The following PTPRZ1 variants were observed in gnomAD, a reference collection of about 807,000 sequenced individuals.
PTPRZ1 encodes the protein protein tyrosine phosphatase receptor type Z1.
A neutral mutation model predicts 214.1 loss-of-function variants in PTPRZ1; 82 were observed. That is an observed-to-expected ratio of 0.38 (90% CI 0.32 to 0.46). The LOEUF is 0.46. Ranked by LOEUF, PTPRZ1 falls within the 20% of genes least tolerant of loss-of-function variation. The pLI is 1.00. For synonymous variants in PTPRZ1, 945 were observed against 987.9 expected, an observed-to-expected ratio of 0.96 and a Z score of 0.81; for missense variants, 2,603 against 2,748.7, an observed-to-expected ratio of 0.95 and a Z score of 1.19.
intron 12 of PTPRZ1, among the ~76,000 whole-genome samples, chr7:122,014,611 T>C (rs937590786): frequency 3.3e-5 from 5 of 152,050 alleles, no homozygotes; most frequent in Non-Finnish European, 7.4e-5. Flanking sequence ...GCTAATTTTG[T>C]GTATTTTTAG....
chr7:121,929,501 A>AG (rs1795860050), intron 2 of PTPRZ1, among the ~76,000 whole-genome samples: 1 of 75,792 alleles, frequency 1.3e-5, no homozygotes, highest in East Asian at 3.7e-4. Flanking sequence ...ATTACCGAGT[A>AG]GGAAAAAAAA....
At chr7:121,972,429 A>C in intron 3 of PTPRZ1, 112 bp from the exon 4 acceptor site, 1 of 1,142,126 alleles carries the variant, frequency 8.8e-7, no homozygotes, top group East Asian at 2.6e-5. Context: ...ATATTTTGTA[A>C]ATTTATCAAA....
chr7:121,948,764 T>TC (rs1348658627), intron 2 of PTPRZ1, among the ~76,000 whole-genome samples: 5 of 151,306 alleles, frequency 3.3e-5, no homozygotes, highest in African/African-American at 1.2e-4. Context: ...CAATCCATTT[T>TC]TTTTTTTTTT....
intron 2 of PTPRZ1, among the ~76,000 whole-genome samples, chr7:121,936,189 G>A (rs552191618): frequency 3.9e-5 from 6 of 152,174 alleles, no homozygotes; most frequent in Admixed American, 6.5e-5. Flanking sequence ...GGAGCAAAAA[G>A]ATAAAAAATC....
In PTPRZ1 at chr7:121,968,003, A is replaced by C; in HGVS notation, c.177A>C (p.Pro59=). 4 of 1,596,878 alleles carry C rather than the reference A, an allele frequency of 2.5e-6. No individual in the cohort carries two copies. In the African/African-American group the frequency reaches 4.0e-5, roughly 16 times the overall value. Residue 59 remains proline (P), a synonymous_variant, in exon 3 of 30, where the codon CCA becomes CCC. Coordinates refer to ENST00000393386, the MANE Select transcript of PTPRZ1 (RefSeq NM_002851.3). ...WGKKYPTCNS[P]KQSPINIDED... is the part of the protein sequence containing the mutation. ...AGAAATATCCAACATGTAATAGCCCAAAACAATCTCCTATCAATATTGATG... is the reference window on the plus strand; with the variant it reads ...AGAAATATCCAACATGTAATAGCCCCAAACAATCTCCTATCAATATTGATG...
At chr7:121,887,551 G>C (rs751231042) in intron 1 of PTPRZ1, among the ~76,000 whole-genome samples, 10 of 152,060 alleles carry the variant, frequency 6.6e-5, no homozygotes, top group Non-Finnish European at 1.2e-4. Flanking sequence ...ATTTTGAACT[G>C]AATTGGCACA....
At chr7:121,919,727 G>A (rs1424657395) in intron 1 of PTPRZ1, among the ~76,000 whole-genome samples, 1 of 151,596 alleles carries the variant, frequency 6.6e-6, no homozygotes, top group Admixed American at 6.6e-5. Context: ...TTATCTAATT[G>A]TGATGTTTCC....
chr7:121,958,671 A>G (rs974163883), intron 2 of PTPRZ1, among the ~76,000 whole-genome samples: 1 of 152,120 alleles, frequency 6.6e-6, no homozygotes, highest in Non-Finnish European at 1.5e-5. Context: ...AAGTCTTTCT[A>G]TTCATAATCT....
chr7:122,005,220 T>C (rs1454063675), intron 11 of PTPRZ1, among the ~76,000 whole-genome samples: 1 of 152,014 alleles, frequency 6.6e-6, no homozygotes, highest in Non-Finnish European at 1.5e-5. Context: ...AAAGATAAAA[T>C]GTATAGGTAT....
rs1004212979 is a variant in PTPRZ1, at chr7:121,983,951, T to G, written c.778-16T>G. Reference sequence around the variant, plus strand: ...CTTTGAAGCAGATATGTTAAATTATTTGATCTTTTTTTCAGTTGGCTGTTT... The same window carrying G: ...CTTTGAAGCAGATATGTTAAATTATGTGATCTTTTTTTCAGTTGGCTGTTT... On this transcript the variant is annotated splice_polypyrimidine_tract_variant and intron_variant, in intron 7 of 29. Coordinates refer to ENST00000393386, the MANE Select transcript of PTPRZ1 (RefSeq NM_002851.3). 6.2e-7 allele frequency: 1 copy of G among 1,609,258 alleles called. No homozygotes were observed. The highest frequency in any genetic ancestry group is 8.5e-7 in the Non-Finnish European group (1 of 1,177,008).
chr7:122,052,962 T>G (rs1792232685), intron 25 of PTPRZ1, among the ~76,000 whole-genome samples: 1 of 152,154 alleles, frequency 6.6e-6, no homozygotes, highest in Non-Finnish European at 1.5e-5. Flanking sequence ...CCATTCTCAG[T>G]GACCACCAGA....
At chr7:121,899,447 A>G (rs546932595) in intron 1 of PTPRZ1, among the ~76,000 whole-genome samples, 2 of 152,216 alleles carry the variant, frequency 1.3e-5, no homozygotes, top group Admixed American at 1.3e-4. Context: ...ATAAAAGTTC[A>G]TATTTTTTTA....
intron 22 of PTPRZ1, 49 bp from the exon 23 acceptor site, chr7:122,044,373 A>G (rs753002588): frequency 1.3e-5 from 21 of 1,606,528 alleles, no homozygotes; most frequent in Non-Finnish European, 1.5e-5. Context: ...AGGTAGATAC[A>G]TATGAGGAAA....
intron 2 of PTPRZ1, among the ~76,000 whole-genome samples, chr7:121,963,958 C>T (rs1796960845): frequency 1.3e-5 from 2 of 152,146 alleles, no homozygotes; most frequent in South Asian, 2.1e-4. Flanking sequence ...GTAGTTCAGA[C>T]TTCAGGTATC....
intron 1 of PTPRZ1, among the ~76,000 whole-genome samples, chr7:121,923,897 G>A (rs980377145): frequency 1.3e-5 from 2 of 151,926 alleles, no homozygotes; most frequent in African/African-American, 4.8e-5. Context: ...AGTGCTTGAG[G>A]TAAGTTCAAG....
chr7:122,001,383 G>T (rs900000640), intron 10 of PTPRZ1, among the ~76,000 whole-genome samples: 1 of 152,008 alleles, frequency 6.6e-6, no homozygotes, highest in Admixed American at 6.6e-5. Flanking sequence ...TTAACATACA[G>T]CTCTGGAGGG....
Position 121,920,310 on chromosome 7 carries a change from T to C in PTPRZ1, c.59-7846T>C, listed in dbSNP as rs540148034. Among the ~76,000 whole-genome samples the C allele has an allele frequency of 3.3e-5, 5 of 152,288 alleles. No individual in the cohort carries two copies. In the South Asian group the frequency reaches 1.0e-3, roughly 32 times the overall value. ...CAATCTTATCATTGCTAAATAATAC[T>C]ATTATGGTAAGATAAGTTAGTAGCA... On this transcript the variant is annotated intron_variant, in intron 1 of 29. Transcript: ENST00000393386.
intron 14 of PTPRZ1, 127 bp from the exon 15 acceptor site, chr7:122,031,347 T>C: frequency 1.5e-6 from 1 of 664,862 alleles, no homozygotes; most frequent in Non-Finnish European, 2.6e-6. Flanking sequence ...TGCTTAACAA[T>C]TGAATGCTGA....
intron 8 of PTPRZ1, among the ~76,000 whole-genome samples, chr7:121,985,620 T>A (rs1179233483): frequency 6.6e-6 from 1 of 152,204 alleles, no homozygotes; most frequent in Non-Finnish European, 1.5e-5. Context: ...CTGTCTTCAT[T>A]TCCCTGCCTC....
Sources: gnomAD v4.1 joint callset for allele counts (sites outside exome capture counted in the v4.1 genomes callset) on GRCh38, gnomAD v4.1.1 for gene constraint, MANE v1.5 for transcripts, NCBI Gene and HGNC (gene_info 2026-07-23, HGNC 2026-07-21) for gene names.